The following RALGAPA2 variants were observed in gnomAD, a reference collection of about 807,000 sequenced individuals.
RALGAPA2 encodes ral GTPase-activating protein subunit alpha-2.
Under a neutral mutation model 230.4 loss-of-function variants are expected in RALGAPA2, and 139 were observed. That is an observed-to-expected ratio of 0.60 (90% CI 0.53 to 0.69). The LOEUF (loss-of-function observed/expected upper bound fraction) is 0.69, where lower values mean the gene tolerates loss of function less well. RALGAPA2 is among the 30% of genes least tolerant of loss of function. The pLI is 0.00. For missense variants in RALGAPA2, 2,163 were observed against 2,276.0 expected, an observed-to-expected ratio of 0.95 and a Z score of 1.01; for synonymous variants, 847 against 837.8, an observed-to-expected ratio of 1.01 and a Z score of -0.19.
At chr20:20,677,370 C>T (rs553164198) in intron 2 of RALGAPA2, among the ~76,000 whole-genome samples, 58 of 152,162 alleles carry the variant, frequency 3.8e-4, no homozygotes, top group African/African-American at 6.0e-4. Flanking sequence ...GCAAGCCATA[C>T]GGAAATTTAG....
At chr20:20,680,851 A>T (rs2068494333) in intron 1 of RALGAPA2, 50 bp from the exon 2 acceptor site, 1 of 1,512,576 alleles carries the variant, frequency 6.6e-7, no homozygotes, top group Non-Finnish European at 8.8e-7. Flanking sequence ...TAAAATCACA[A>T]GAATTTAGAA....
intron 35 of RALGAPA2, among the ~76,000 whole-genome samples, chr20:20,495,898 A>T (rs1477227160): frequency 2.6e-5 from 4 of 152,332 alleles, no homozygotes; most frequent in Non-Finnish European, 5.9e-5. Context: ...GTTCACACAT[A>T]CTATCTCATT....
At chr20:20,503,123 C>T (rs1357958054) in intron 35 of RALGAPA2, among the ~76,000 whole-genome samples, 2 of 152,184 alleles carry the variant, frequency 1.3e-5, no homozygotes, top group Non-Finnish European at 2.9e-5. Flanking sequence ...TAACCTTTGA[C>T]AATCTGTGAG....
chr20:20,436,620 C>T (rs2060619664), intron 37 of RALGAPA2, among the ~76,000 whole-genome samples: 1 of 152,230 alleles, frequency 6.6e-6, no homozygotes, highest in African/African-American at 2.4e-5. Context: ...TCTCACTTCC[C>T]CTGGGGAGAC....
chr20:20,427,641 C>T (rs1423889947), intron 37 of RALGAPA2, among the ~76,000 whole-genome samples: 1 of 152,076 alleles, frequency 6.6e-6, no homozygotes, highest in Non-Finnish European at 1.5e-5. Context: ...TTACCATGCA[C>T]CTGCTGCAGT....
At chr20:20,444,589 C>G (rs916710002) in intron 37 of RALGAPA2, among the ~76,000 whole-genome samples, 3 of 152,158 alleles carry the variant, frequency 2.0e-5, no homozygotes, top group East Asian at 1.9e-4. Flanking sequence ...ACACTCTCCC[C>G]CTTACTGGAA....
At chr20:20,636,960 G>A (rs2066880429) in intron 8 of RALGAPA2, among the ~76,000 whole-genome samples, 1 of 152,086 alleles carries the variant, frequency 6.6e-6, no homozygotes, top group Non-Finnish European at 1.5e-5. Flanking sequence ...AAAATAAAAG[G>A]CATACAATGG....
intron 30 of RALGAPA2, among the ~76,000 whole-genome samples, chr20:20,522,780 T>C (rs2063084442): frequency 1.3e-5 from 2 of 152,258 alleles, no homozygotes; most frequent in Non-Finnish European, 2.9e-5. Flanking sequence ...GAATTTTTAC[T>C]ATGAGGTGAC....
chr20:20,595,995 G>A (rs1433049884), intron 16 of RALGAPA2, among the ~76,000 whole-genome samples: 1 of 151,592 alleles, frequency 6.6e-6, no homozygotes, highest in African/African-American at 2.4e-5. Flanking sequence ...AAAAACTGTA[G>A]AACAGCTGGA....
Position 20,643,546 on chromosome 20 carries a change from G to C in RALGAPA2, c.332C>G (p.Ser111Ter), listed in dbSNP as rs546994934. The C allele has an allele frequency of 6.8e-7, 1 of 1,468,544 alleles. No individual in the cohort carries two copies. The highest frequency in any genetic ancestry group is 9.2e-7 in the Non-Finnish European group (1 of 1,087,272). The allele number at this position is 1,468,544 out of a possible 1,614,324, so 91.0% of individuals were successfully genotyped here. ...FFRWHYQSIGSTLKKLLHTGN... is the reference protein window; with the variant it reads ...FFRWHYQSIG ...AGTGTGTAGAAGCTTCTTTAAAGTT[G>C]AGCCTGAAAGTTTAAAATAATGAAT... Residue 111 changes from serine to a stop codon, truncating the protein, a stop_gained, in exon 5 of 40, where the codon TCA becomes TGA. Transcript: ENST00000202677. LOFTEE classifies it high-confidence loss of function.
rs1371200279 is a variant in RALGAPA2 at position 20,398,869 on chromosome 20, A to T, written c.5618-2135T>A. Among the ~76,000 whole-genome samples the T allele has an allele frequency of 1.3e-5, 2 of 152,188 alleles. No homozygotes were observed. Among genetic ancestry groups the T allele is most frequent in the African/African-American group, 4.8e-5 (2 of 41,436 alleles). ...ATCTGGGAGAAAAGTTACAGCATGC[A>T]GTCTAATGAGGGGATATCACCCCTT... On this transcript the variant is annotated intron_variant, in intron 38 of 39. Coordinates refer to ENST00000202677, the MANE Select transcript of RALGAPA2 (RefSeq NM_020343.4). The surrounding 1 kb of genome is among the most constrained non-coding windows in gnomAD (Gnocchi z 4.5).
intron 24 of RALGAPA2, among the ~76,000 whole-genome samples, chr20:20,540,945 G>A (rs191530174): frequency 3.4e-4 from 52 of 151,908 alleles, no homozygotes; most frequent in African/African-American, 1.2e-3. Context: ...CCTCAAATAA[G>A]GAAGAATCAC....
At position 20,513,180 on chromosome 20, in the gene RALGAPA2, T is replaced by C. The variant is rs777380984; in HGVS notation, c.4189A>G (p.Ile1397Val). The change falls in exon 32 of 40, where the codon ATA becomes GTA. Residue 1397 changes from isoleucine (I) to valine (V), a missense_variant. Transcript: ENST00000202677. ...GHYPLSGGPA[I>V]LHSLVSENHD... is the part of the protein sequence containing the mutation. ...TTCTCGCTGACAAGGCTGTGCAGTA[T>C]GGCAGGGCCCCCACTGAGGGGGTAG... The C allele has an allele frequency of 2.6e-6, 4 of 1,535,264 alleles. No homozygotes were observed. Among genetic ancestry groups the C allele is most frequent in the Non-Finnish European group, 2.6e-6 (3 of 1,145,058 alleles).
At position 20,490,409 on chromosome 20, in the gene RALGAPA2, T is replaced by C. The variant is rs1022554591; in HGVS notation, c.5367+4708A>G. Among the ~76,000 whole-genome samples, 28 of 152,226 alleles carry C rather than the reference T, an allele frequency of 1.8e-4. 1 individual carries two copies. Among genetic ancestry groups the C allele is most frequent in the Admixed American group, 1.3e-4 (2 of 15,290 alleles). On this transcript the variant is annotated intron_variant, in intron 36 of 39. Transcript: ENST00000202677. Reference sequence around the variant, plus strand: ...AACAGAACATAACATAGTAATCCATTTAATAACCTATTTTAGTACATTCTG... The same window carrying C: ...AACAGAACATAACATAGTAATCCATCTAATAACCTATTTTAGTACATTCTG...
At chr20:20,685,554 G>A (rs2068671182) in intron 1 of RALGAPA2, among the ~76,000 whole-genome samples, 2 of 152,172 alleles carry the variant, frequency 1.3e-5, no homozygotes, top group South Asian at 4.1e-4. Context: ...CAGCCTGTTG[G>A]GGACGTCAAC....
chr20:20,711,395 T>G (rs2069858216), intron 1 of RALGAPA2, among the ~76,000 whole-genome samples: 1 of 152,244 alleles, frequency 6.6e-6, no homozygotes, highest in Non-Finnish European at 1.5e-5. Flanking sequence ...GTTCTTTCCT[T>G]CGCCACCAAA....
Position 20,635,613 on chromosome 20 carries a change from G to A in RALGAPA2, c.810C>T (p.Ile270=). ...ACACAGGCTTTGGTCTCAAATGGGGGATGTCTGGTAGAAGAAAGAACACAT... is the reference window on the plus strand; with the variant it reads ...ACACAGGCTTTGGTCTCAAATGGGGAATGTCTGGTAGAAGAAAGAACACAT... The part of the protein sequence containing the change: ...LTNIYKPVLD[I]PHLRPKPVYI... The change falls in exon 9 of 40, where the codon ATC becomes ATT. Residue 270 remains isoleucine (I), a synonymous_variant. Coordinates refer to ENST00000202677, the MANE Select transcript of RALGAPA2 (RefSeq NM_020343.4). The A allele has an allele frequency of 2.0e-6, 3 of 1,534,092 alleles. No homozygotes were observed. Among genetic ancestry groups the A allele is most frequent in the South Asian group, 2.5e-5 (2 of 78,454 alleles).
In RALGAPA2 at chr20:20,394,758, G is replaced by A. The variant is rs534616263; in HGVS notation, c.*36-1505C>T. ...TTACAAGGCATCTCTCCATCCCCTC[G>A]CAGCTGGTGGTGGGCACTGGCATTT... On this transcript the variant is annotated intron_variant, in intron 39 of 39. Transcript: ENST00000202677. Among the ~76,000 whole-genome samples the A allele has an allele frequency of 9.4e-4, 143 of 152,096 alleles. 2 individuals carry two copies. Among genetic ancestry groups the A allele is most frequent in the Non-Finnish European group, 1.0e-4 (7 of 67,972 alleles).
intron 13 of RALGAPA2, among the ~76,000 whole-genome samples, chr20:20,612,767 T>C (rs114838197): frequency 4.3e-4 from 65 of 152,278 alleles, no homozygotes; most frequent in African/African-American, 1.5e-3. Flanking sequence ...GGCACAGTGC[T>C]GGGGGACAGC....
Sources: gnomAD v4.1 joint callset for allele counts (sites outside exome capture counted in the v4.1 genomes callset) on GRCh38, gnomAD v4.1.1 for gene constraint, Gnocchi (gnomAD v3.1) non-coding constraint, MANE v1.5 for transcripts, NCBI Gene and HGNC (gene_info 2026-07-23, HGNC 2026-07-21) for gene names.